PTP4A1: variants seen among roughly 807,000 people sequenced by gnomAD.
PTP4A1 encodes protein tyrosine phosphatase type IVA 1.
Under a neutral mutation model 20.5 loss-of-function variants are expected in PTP4A1, and 9 were observed. The ratio of observed to expected loss-of-function variants is 0.44; its 90% CI spans 0.26 to 0.77. The LOEUF (loss-of-function observed/expected upper bound fraction) is 0.77. Ranked by LOEUF, PTP4A1 falls within the 30% of genes least tolerant of loss-of-function variation. The pLI is 0.19. For synonymous variants in PTP4A1, 78 were observed against 67.4 expected (o/e 1.16, Z -0.77); for missense variants, 137 against 218.8 (o/e 0.63, Z 2.36).
At chr6:63,522,329 G>T (rs1278017995) in intron 1 of PTP4A1, among the ~76,000 whole-genome samples, 3 of 152,166 alleles carry the variant, frequency 2.0e-5, no homozygotes, top group African/African-American at 4.8e-5. Flanking sequence ...CCATATTCAT[G>T]ATGTAAATGA....
At chr6:63,536,257 G>A (rs1455403957) in intron 2 of PTP4A1, among the ~76,000 whole-genome samples, 2 of 152,114 alleles carry the variant, frequency 1.3e-5, no homozygotes, top group Non-Finnish European at 2.9e-5. Context: ...TCGAACCTGG[G>A]AGGCGTAGGT....
At chr6:63,549,283 C>T in intron 2 of PTP4A1, 1 of 753,312 alleles carries the variant, frequency 1.3e-6, no homozygotes. Flanking sequence ...TCAGGAGGCA[C>T]TTTCAGCCAC....
chr6:63,582,453 A>G lies in PTP4A1; in HGVS notation c.*2279A>G, dbSNP rs926994585. The stretch of plus-strand genomic sequence containing the variant: ...TCTGTACATTATACGATGTGATGAA[A>G]TTTGCTTTTTATCCAAATATTTTGT... On this transcript the variant is annotated 3_prime_UTR_variant, in exon 6 of 6. Coordinates refer to ENST00000626021, the MANE Select transcript of PTP4A1 (RefSeq NM_003463.5). The G allele has an allele frequency of 2.6e-5, 4 of 152,594 alleles. No homozygotes were observed. 9.5% of individuals were successfully genotyped at this position (152,594 alleles called of 1,614,324 possible). A position where few individuals can be genotyped will look rare whatever the true frequency, so the allele number is the denominator to read the frequency against.
chr6:63,548,998 G>A (rs1223296723), intron 2 of PTP4A1: 3 of 730,658 alleles, frequency 4.1e-6, no homozygotes, highest in Admixed American at 1.9e-5. Flanking sequence ...CACAGGGCAG[G>A]CAAGAAGACA....
intron 3 of PTP4A1, among the ~76,000 whole-genome samples, chr6:63,566,042 CACTA>C (rs1777178075): frequency 6.6e-6 from 1 of 152,258 alleles, no homozygotes; most frequent in Non-Finnish European, 1.5e-5. Context: ...TTCCCATTTA[CACTA>C]CATTGTTGTC....
intron 3 of PTP4A1, 86 bp downstream of exon 3, chr6:63,578,615 A>G: frequency 1.4e-6 from 2 of 1,474,392 alleles, no homozygotes; most frequent in Non-Finnish European, 1.8e-6. Context: ...TATCTATTTA[A>G]GTCATAAATA....
intron 2 of PTP4A1, among the ~76,000 whole-genome samples, chr6:63,538,380 A>G (rs1341891222): frequency 6.6e-6 from 1 of 152,240 alleles, no homozygotes; most frequent in Non-Finnish European, 1.5e-5. Flanking sequence ...ACTTGCAAAA[A>G]CTGAGACTGA....
intron 2 of PTP4A1, among the ~76,000 whole-genome samples, chr6:63,529,319 C>T (rs779722628): frequency 2.7e-5 from 4 of 150,042 alleles, no homozygotes; most frequent in Admixed American, 2.6e-4. Context: ...ACATTTGATA[C>T]ATAAAATGGT....
At chr6:63,562,285 C>T (rs563260021) in intron 3 of PTP4A1, among the ~76,000 whole-genome samples, 1 of 150,670 alleles carries the variant, frequency 6.6e-6, no homozygotes, top group East Asian at 2.0e-4. Flanking sequence ...CCACAACCTT[C>T]GCCTCCCGGG....
At chr6:63,538,738 C>A (rs962110009) in intron 2 of PTP4A1, among the ~76,000 whole-genome samples, 1 of 152,144 alleles carries the variant, frequency 6.6e-6, no homozygotes, top group Non-Finnish European at 1.5e-5. Context: ...ACATGGAAGG[C>A]TTGTTAAAAC....
In PTP4A1 at chr6:63,527,467, T is replaced by C. The variant is rs189201189; in HGVS notation, c.-905-352T>C. Among the ~76,000 whole-genome samples the C allele has an allele frequency of 1.2e-3, 180 of 152,230 alleles. 2 individuals carry two copies. Among genetic ancestry groups the C allele is most frequent in the Non-Finnish European group, 1.9e-3 (129 of 67,966 alleles). ...TTTCCTTTCTCCTCTTCTTATGTTG[T>C]AGATATCTCAAAAGCTTTTCAAAAT... On this transcript the variant is annotated intron_variant, in intron 1 of 3. Coordinates refer to the PTP4A1 transcript ENST00000639568.
upstream of PTP4A1, among the ~76,000 whole-genome samples, chr6:63,517,483 G>A (rs574640030): frequency 7.4e-4 from 112 of 152,166 alleles, no homozygotes; most frequent in African/African-American, 1.9e-3. Context: ...ATGATGCCCC[G>A]TAAAGTGAAA....
At chr6:63,565,129 C>T (rs1236376238) in intron 3 of PTP4A1, among the ~76,000 whole-genome samples, 6 of 152,092 alleles carry the variant, frequency 3.9e-5, no homozygotes, top group African/African-American at 1.4e-4. Flanking sequence ...CCTCCCACCT[C>T]AACCTCCGAG....
rs1778280722 is a variant in PTP4A1, at chr6:63,582,187, G to GT, written c.*2017dup. 6.6e-6 allele frequency: 1 copy of GT among 151,364 alleles called. No homozygotes were observed. Among genetic ancestry groups the GT allele is most frequent in the South Asian group, 2.1e-4 (1 of 4,768 alleles). 9.4% of individuals were successfully genotyped at this position (151,364 alleles called of 1,614,324 possible). On this transcript the variant is annotated 3_prime_UTR_variant, in exon 6 of 6. Transcript: ENST00000626021. ...ATTTTTGGCTAATTTTTAACCTGAG[G>GT]TTTTGTTTTTTTTTTAAAGGAAATG...
rs143177086 is a variant in PTP4A1, at chr6:63,583,389, A to T, written c.*3215A>T. 234 of 152,328 alleles carry T rather than the reference A, an allele frequency of 1.5e-3. 1 individual carries two copies. Among genetic ancestry groups the T allele is most frequent in the African/African-American group, 5.1e-3 (213 of 41,572 alleles). 9.4% of individuals were successfully genotyped at this position (152,328 alleles called of 1,614,324 possible). On this transcript the variant is annotated 3_prime_UTR_variant, in exon 6 of 6. Transcript: ENST00000626021. The stretch of plus-strand genomic sequence containing the variant: ...CTGGTTTAAAAGTGGTTTAAAAGTG[A>T]CATTTAATGTTTCTCCATTACGTTT...
chr6:63,516,461 T>C, the PTP4A1 span, among the ~76,000 whole-genome samples: 1 of 152,220 alleles, frequency 6.6e-6, no homozygotes. Context: ...AAAGTAGTGC[T>C]TGAGAGCTCT....
chr6:63,565,510 G>A (rs914743415), intron 3 of PTP4A1, among the ~76,000 whole-genome samples: 2 of 152,032 alleles, frequency 1.3e-5, no homozygotes, highest in South Asian at 4.2e-4. Context: ...ACCTCAAATG[G>A]TTTGATATGA....
intron 1 of PTP4A1, among the ~76,000 whole-genome samples, chr6:63,523,169 T>C (rs1019580535): frequency 6.6e-6 from 1 of 152,000 alleles, no homozygotes; most frequent in Non-Finnish European, 1.5e-5. Context: ...CCCAGCCGAA[T>C]CACTCTTTTA....
chr6:63,537,524 G>GT (rs1775777846), intron 2 of PTP4A1, among the ~76,000 whole-genome samples: 2 of 152,140 alleles, frequency 1.3e-5, no homozygotes, highest in Admixed American at 6.5e-5. Context: ...GCCTTAGAGC[G>GT]TACCTTTTCA....
Sources: gnomAD v4.1 joint callset for allele counts (sites outside exome capture counted in the v4.1 genomes callset) on GRCh38, gnomAD v4.1.1 for gene constraint, MANE v1.5 for transcripts, NCBI Gene and HGNC (gene_info 2026-07-23, HGNC 2026-07-21) for gene names.